Variants in PCSK2 observed in about 807,000 individuals in gnomAD.
PCSK2 encodes the protein proprotein convertase subtilisin/kexin type 2, also known as neuroendocrine convertase 2.
Under a neutral mutation model 69.7 loss-of-function variants are expected in PCSK2, and 14 were observed. The ratio of observed to expected loss-of-function variants is 0.20; its 90% CI spans 0.13 to 0.31. The LOEUF (loss-of-function observed/expected upper bound fraction) is 0.31, where lower values mean the gene tolerates loss of function less well. Among genes scored for constraint, PCSK2 ranks in the 10% least tolerant of loss-of-function variants. PCSK2 has a pLI of 1.00. For missense variants in PCSK2, 544 were observed against 842.5 expected, an observed-to-expected ratio of 0.65 and a Z score of 4.39; for synonymous variants, 307 against 320.7, an observed-to-expected ratio of 0.96 and a Z score of 0.46.
chr20:17,462,848 T>G (rs934363181), intron 10 of PCSK2, among the ~76,000 whole-genome samples: 4 of 152,214 alleles, frequency 2.6e-5, no homozygotes, highest in Non-Finnish European at 4.4e-5. Context: ...CTCCATAAAT[T>G]TATTTTTTAA....
intron 1 of PCSK2, among the ~76,000 whole-genome samples, chr20:17,249,495 A>T (rs1986892654): frequency 9.1e-6 from 1 of 109,404 alleles, no homozygotes; most frequent in Non-Finnish European, 1.8e-5. Flanking sequence ...AGAGAGCGAG[A>T]CTCTGTCTCA....
intron 2 of PCSK2, among the ~76,000 whole-genome samples, chr20:17,353,810 T>G (rs1472169670): frequency 6.6e-6 from 1 of 152,216 alleles, no homozygotes; most frequent in East Asian, 1.9e-4. Context: ...TGGAATACTA[T>G]GCAGCCATAA....
At chr20:17,438,364 A>G (rs6080697) in intron 8 of PCSK2, among the ~76,000 whole-genome samples, 100,879 of 151,984 alleles carry the variant, frequency 0.66, 33,837 homozygotes, top group African/African-American at 0.75. Flanking sequence ...TGTTTAACGC[A>G]GGCATAAAAA....
At chr20:17,359,163 T>C (rs972044030) in intron 3 of PCSK2, among the ~76,000 whole-genome samples, 1 of 152,170 alleles carries the variant, frequency 6.6e-6, no homozygotes, top group African/African-American at 2.4e-5. Flanking sequence ...TTATTTAAGA[T>C]TAAAAAGTGA....
intron 11 of PCSK2, among the ~76,000 whole-genome samples, chr20:17,471,981 G>A (rs966877406): frequency 6.6e-6 from 1 of 152,230 alleles, no homozygotes; most frequent in Non-Finnish European, 1.5e-5. Context: ...TCTTCCCGGA[G>A]ATGGAGTCAA....
rs182608813 is a variant in PCSK2, at chr20:17,292,058, A to T, written c.282+31714A>T. Among the ~76,000 whole-genome samples the T allele has an allele frequency of 5.1e-4, 78 of 152,342 alleles. 1 individual carries two copies. Among genetic ancestry groups the T allele is most frequent in the South Asian group, 1.0e-3 (5 of 4,828 alleles). Reference sequence around the variant, plus strand: ...ATAATTTTGTGACTGAGCACATTGCAGTCCTCAGTAATATAAGGGTTCTAT... The same window carrying T: ...ATAATTTTGTGACTGAGCACATTGCTGTCCTCAGTAATATAAGGGTTCTAT... On this transcript the variant is annotated intron_variant, in intron 2 of 11. Transcript: ENST00000262545.
intron 2 of PCSK2, among the ~76,000 whole-genome samples, chr20:17,264,095 A>G (rs1600423732): frequency 6.6e-6 from 1 of 152,194 alleles, no homozygotes; most frequent in East Asian, 1.9e-4. Context: ...GATTTATTTA[A>G]GATAATATTT....
At chr20:17,437,093 G>T (rs902558792) in intron 8 of PCSK2, among the ~76,000 whole-genome samples, 1 of 151,426 alleles carries the variant, frequency 6.6e-6, no homozygotes, top group Non-Finnish European at 1.5e-5. Context: ...CCTCAGACGC[G>T]ATGCCTACCT....
chr20:17,361,398 G>A (rs1336160174), intron 4 of PCSK2, among the ~76,000 whole-genome samples: 1 of 152,210 alleles, frequency 6.6e-6, no homozygotes, highest in Non-Finnish European at 1.5e-5. Context: ...TTGATGAATT[G>A]GCATTTTTCC....
chr20:17,477,030 T>A (rs2033302918), intron 11 of PCSK2, among the ~76,000 whole-genome samples: 1 of 152,178 alleles, frequency 6.6e-6, no homozygotes, highest in Non-Finnish European at 1.5e-5. Context: ...CAGTACTCCA[T>A]GAAACCGTTT....
At chr20:17,345,291 T>C (rs1990620143) in intron 2 of PCSK2, among the ~76,000 whole-genome samples, 1 of 152,198 alleles carries the variant, frequency 6.6e-6, no homozygotes, top group African/African-American at 2.4e-5. Context: ...ATATTGACCA[T>C]TATAATTATA....
intron 5 of PCSK2, among the ~76,000 whole-genome samples, chr20:17,404,889 T>C (rs2031719807): frequency 6.6e-6 from 1 of 152,102 alleles, no homozygotes. Flanking sequence ...GCTGTTAGAG[T>C]GCAAAAGCAG....
rs530685785 is a variant in PCSK2 at position 17,331,874 on chromosome 20, G to T, written c.283-26453G>T. On this transcript the variant is annotated intron_variant, in intron 2 of 11. Coordinates refer to ENST00000262545, the MANE Select transcript of PCSK2 (RefSeq NM_002594.5). Reference sequence around the variant, plus strand: ...AATTGGGTCAAAATCAAACCTGTAGGCTAGGACCCTGGTCTTGGATGCTAG... The same window carrying T: ...AATTGGGTCAAAATCAAACCTGTAGTCTAGGACCCTGGTCTTGGATGCTAG... Among the ~76,000 whole-genome samples, 139 of 152,110 alleles carry T rather than the reference G, an allele frequency of 9.1e-4. 1 individual carries two copies. Among genetic ancestry groups the T allele is most frequent in the African/African-American group, 3.3e-3 (135 of 41,488 alleles).
chr20:17,230,635 T>G (rs1420264388), intron 1 of PCSK2, among the ~76,000 whole-genome samples: 1 of 152,160 alleles, frequency 6.6e-6, no homozygotes, highest in Admixed American at 6.5e-5. Flanking sequence ...TATTAACACA[T>G]GAACATGTCA....
intron 2 of PCSK2, among the ~76,000 whole-genome samples, chr20:17,346,788 A>G (rs987994016): frequency 5.9e-5 from 9 of 152,106 alleles, no homozygotes; most frequent in Middle Eastern, 3.4e-3. Context: ...TCCTAAATCC[A>G]TCTCCTAACA....
intron 2 of PCSK2, among the ~76,000 whole-genome samples, chr20:17,274,664 G>T (rs556151718): frequency 6.6e-6 from 1 of 152,142 alleles, no homozygotes; most frequent in East Asian, 1.9e-4. Context: ...GGATCTTTTA[G>T]CCCCAGTCCC....
At chr20:17,356,890 C>T (rs1213437495) in intron 2 of PCSK2, among the ~76,000 whole-genome samples, 1 of 152,132 alleles carries the variant, frequency 6.6e-6, no homozygotes, top group Non-Finnish European at 1.5e-5. Flanking sequence ...AGAGGCACCC[C>T]TAAGGCAGAG....
intron 2 of PCSK2, among the ~76,000 whole-genome samples, chr20:17,299,436 A>T (rs1238870735): frequency 6.6e-6 from 1 of 151,994 alleles, no homozygotes; most frequent in Non-Finnish European, 1.5e-5. Flanking sequence ...TATATTTGCC[A>T]GTTTTCCTTC....
chr20:17,472,259 A>T (rs1342860531), intron 11 of PCSK2, among the ~76,000 whole-genome samples: 1 of 152,230 alleles, frequency 6.6e-6, no homozygotes, highest in East Asian at 1.9e-4. Flanking sequence ...CTGAAGTTTA[A>T]GTGAATTTGG....
Sources: allele counts gnomAD v4.1 joint callset (sites outside exome capture counted in the v4.1 genomes callset), GRCh38; gene constraint gnomAD v4.1.1; transcripts MANE v1.5; gene names NCBI Gene and HGNC (gene_info 2026-07-23, HGNC 2026-07-21).